Variants in EGFR observed in about 807,000 individuals in gnomAD.
EGFR encodes avian erythroblastic leukemia viral (v-erb-b) oncogene homolog.
EGFR carries 58 observed loss-of-function variants against 143.0 expected under a neutral mutation model. The observed-to-expected ratio is 0.41, with a 90% CI of 0.33 to 0.50. The LOEUF is 0.50. Ranked by LOEUF, EGFR falls within the 20% of genes least tolerant of loss-of-function variation. The pLI, the probability that EGFR is intolerant of heterozygous loss-of-function variation, is 0.39. For missense variants in EGFR, 1,307 were observed against 1,579.0 expected (o/e 0.83, Z 2.92); for synonymous variants, 613 against 594.4 (o/e 1.03, Z -0.45).
At chr7:55,131,270 G>A (rs1171066504) in intron 1 of EGFR, among the ~76,000 whole-genome samples, 3 of 151,934 alleles carry the variant, frequency 2.0e-5, no homozygotes, top group African/African-American at 7.3e-5. Flanking sequence ...TGCCGGCAGA[G>A]GCTGGCTTTC....
chr7:55,191,931 C>G lies in EGFR; in HGVS notation c.2625+57C>G, dbSNP rs1466659884. 3.7e-6 allele frequency: 6 copies of G among 1,607,104 alleles called. No individual in the cohort carries two copies. In the East Asian group the frequency reaches 1.3e-4, roughly 36 times the overall value. ...TTCCTGACACCAGGGACCAGGCTGC[C>G]TTCCCACTAGCTGTATTGTTTAACA... On this transcript the variant is annotated intron_variant, in intron 21 of 27. Transcript: ENST00000275493.
chr7:55,174,142 A>G (rs935110373), intron 18 of EGFR, 99 bp downstream of exon 18: 3 of 1,520,940 alleles, frequency 2.0e-6, no homozygotes, highest in Non-Finnish European at 2.7e-6. Flanking sequence ...TCCATCATCT[A>G]CTTTACTCTT....
At chr7:55,170,542 T>G (rs1786295533) in intron 15 of EGFR, 1 of 1,613,254 alleles carries the variant, frequency 6.2e-7, no homozygotes, top group Non-Finnish European at 8.5e-7. Flanking sequence ...CTCCTGCCAC[T>G]GAGCCTCATG....
chr7:55,122,023 G>A (rs1410935284), intron 1 of EGFR, among the ~76,000 whole-genome samples: 2 of 152,178 alleles, frequency 1.3e-5, no homozygotes, highest in Non-Finnish European at 1.5e-5. Flanking sequence ...GGAGACCTGA[G>A]CCCACTTCTG....
chr7:55,190,122 C>T (rs145583132), intron 20 of EGFR, among the ~76,000 whole-genome samples: 1,759 of 152,208 alleles, frequency 0.012, 40 homozygotes, highest in African/African-American at 0.04. Context: ...TCCTCGGCTT[C>T]TGCCCCCCCT....
chr7:55,203,678 CCA>C (rs989340752), intron 27 of EGFR, among the ~76,000 whole-genome samples: 5 of 145,210 alleles, frequency 3.4e-5, no homozygotes, highest in South Asian at 2.2e-4. Flanking sequence ...CATACACACA[CCA>C]CACACACCAC....
intron 2 of EGFR, 50 bp downstream of exon 2, chr7:55,142,487 T>C (rs1451538099): frequency 1.1e-5 from 17 of 1,606,028 alleles, no homozygotes; most frequent in Non-Finnish European, 1.4e-5. Context: ...AAAATCTAAG[T>C]GGAGAAAGGC....
chr7:55,157,101 C>A, intron 10 of EGFR: 1 of 767,952 alleles, frequency 1.3e-6, no homozygotes, highest in Non-Finnish European at 2.0e-6. Context: ...GGCCCATAAC[C>A]CCTGAGGGTA....
At chr7:55,171,123 T>A in intron 15 of EGFR, 52 bp from the exon 16 acceptor site, 1 of 1,612,490 alleles carries the variant, frequency 6.2e-7, no homozygotes, top group Non-Finnish European at 8.5e-7. Context: ...CCAAAATATA[T>A]GCCAAAGAAG....
chr7:55,094,149 G>A (rs953766453), intron 1 of EGFR, among the ~76,000 whole-genome samples: 1 of 152,230 alleles, frequency 6.6e-6, no homozygotes. Context: ...ATGACATCTG[G>A]TGATATCATT....
chr7:55,156,939 A>G, intron 10 of EGFR, 107 bp downstream of exon 10: 1 of 1,572,148 alleles, frequency 6.4e-7, no homozygotes, highest in Non-Finnish European at 8.6e-7. Flanking sequence ...TTCTTCTGAA[A>G]TTTTACCGTT....
At chr7:55,113,658 TA>T (rs2128909154) in intron 1 of EGFR, among the ~76,000 whole-genome samples, 1 of 152,356 alleles carries the variant, frequency 6.6e-6, no homozygotes, top group South Asian at 2.1e-4. Context: ...AAGCATAGCT[TA>T]GAACTCTAGT....
Position 55,192,863 on chromosome 7 carries a change from A to G in EGFR, c.2701+22A>G, listed in dbSNP as rs775827431. 2.5e-6 allele frequency: 4 copies of G among 1,611,142 alleles called. No individual in the cohort carries two copies. In the African/African-American group the frequency reaches 4.0e-5, roughly 16 times the overall value. On this transcript the variant is annotated intron_variant, in intron 22 of 27. Coordinates refer to ENST00000275493, the MANE Select transcript of EGFR (RefSeq NM_005228.5). ...TACGGTGAGTCATAATCCTGATGCTAATGAGTTTGTACTGAGGCCAAGCTG... is the reference window on the plus strand; with the variant it reads ...TACGGTGAGTCATAATCCTGATGCTGATGAGTTTGTACTGAGGCCAAGCTG...
chr7:55,060,925 T>C (rs1249008412), intron 1 of EGFR, among the ~76,000 whole-genome samples: 2 of 152,192 alleles, frequency 1.3e-5, no homozygotes, highest in Non-Finnish European at 2.9e-5. Context: ...TTATTTTTAA[T>C]TGTTACTTGG....
intron 23 of EGFR, among the ~76,000 whole-genome samples, chr7:55,199,836 G>T (rs898767913): frequency 6.6e-6 from 1 of 152,202 alleles, no homozygotes; most frequent in Non-Finnish European, 1.5e-5. Flanking sequence ...TGCCCACTGG[G>T]TATGTGCTGT....
Position 55,202,591 on chromosome 7 carries a change from G to A in EGFR, c.3237G>A (p.Glu1079=), listed in dbSNP as rs184614596. 3 of 1,613,556 alleles carry A rather than the reference G, an allele frequency of 1.9e-6. No homozygotes were observed. The Admixed American group carries it at 5.0e-5, about 27-fold the overall frequency. ...CAGACCCCACAGGCGCCTTGACTGA[G>A]GACAGCATAGACGACACCTTCCTCC... ...YSSDPTGALT[E]DSIDDTFLPV... The change falls in exon 27 of 28, where the codon GAG becomes GAA. Residue 1079 remains glutamate, a synonymous_variant. Transcript: ENST00000275493.
intron 1 of EGFR, among the ~76,000 whole-genome samples, chr7:55,084,095 A>T (rs1344247668): frequency 6.6e-6 from 1 of 152,210 alleles, no homozygotes; most frequent in East Asian, 1.9e-4. Flanking sequence ...CCATGATGAG[A>T]TGTAAGCCCA....
At chr7:55,082,039 C>T (rs1304810686) in intron 1 of EGFR, among the ~76,000 whole-genome samples, 1 of 152,192 alleles carries the variant, frequency 6.6e-6, no homozygotes, top group African/African-American at 2.4e-5. Context: ...TTGTGACCCA[C>T]TCCAGTGATT....
intron 1 of EGFR, among the ~76,000 whole-genome samples, chr7:55,028,301 A>T (rs1334310984): frequency 6.6e-6 from 1 of 152,060 alleles, no homozygotes; most frequent in Non-Finnish European, 1.5e-5. Flanking sequence ...CTCTGATAAG[A>T]CAAACTGGCA....
Sources: allele counts gnomAD v4.1 joint callset (sites outside exome capture counted in the v4.1 genomes callset), GRCh38; gene constraint gnomAD v4.1.1; transcripts MANE v1.5; gene names NCBI Gene and HGNC (gene_info 2026-07-23, HGNC 2026-07-21).